The following KCNAB1 variants were observed in gnomAD, a reference collection of about 807,000 sequenced individuals.
KCNAB1 encodes voltage-gated potassium channel subunit beta-1.
Under a neutral mutation model 64.6 loss-of-function variants are expected in KCNAB1, and 35 were observed. That is an observed-to-expected ratio of 0.54 (90% CI 0.41 to 0.72). The LOEUF (loss-of-function observed/expected upper bound fraction) is 0.72. Ranked by LOEUF, KCNAB1 falls within the 30% of genes least tolerant of loss-of-function variation. The pLI, the probability that KCNAB1 is intolerant of heterozygous loss-of-function variation, is 0.00. For missense variants in KCNAB1, 401 were observed against 512.9 expected, an observed-to-expected ratio of 0.78 and a Z score of 2.11; for synonymous variants, 177 against 183.8, an observed-to-expected ratio of 0.96 and a Z score of 0.30.
chr3:156,472,743 G>A (rs1714019490), intron 7 of KCNAB1, among the ~76,000 whole-genome samples: 1 of 152,192 alleles, frequency 6.6e-6, no homozygotes, highest in South Asian at 2.1e-4. Flanking sequence ...CAAGGAACCT[G>A]TGCCAATAGC....
At chr3:156,480,899 A>T (rs1298051203) in intron 8 of KCNAB1, among the ~76,000 whole-genome samples, 1 of 152,130 alleles carries the variant, frequency 6.6e-6, no homozygotes. Flanking sequence ...TTTATTGACT[A>T]GCTGGATGAA....
At chr3:156,291,957 G>T (rs769072570) in intron 1 of KCNAB1, 1 of 1,614,182 alleles carries the variant, frequency 6.2e-7, no homozygotes, top group Admixed American at 1.7e-5. Context: ...AGTCGGAATG[G>T]TGAGGACCGA....
At chr3:156,278,286 A>T (rs4143533) in intron 1 of KCNAB1, among the ~76,000 whole-genome samples, 29,725 of 152,096 alleles carry the variant, frequency 0.2, 3,056 homozygotes, top group African/African-American at 0.23. Context: ...TTCAGGTTAG[A>T]TATTTTTCTC....
intron 1 of KCNAB1, among the ~76,000 whole-genome samples, chr3:156,266,445 A>G (rs1405708500): frequency 6.6e-6 from 1 of 152,150 alleles, no homozygotes; most frequent in Admixed American, 6.5e-5. Context: ...TTTTCATTCA[A>G]TAGGAATTCA....
At chr3:156,128,021 T>C (rs1008642207) in intron 1 of KCNAB1, among the ~76,000 whole-genome samples, 1 of 152,132 alleles carries the variant, frequency 6.6e-6, no homozygotes, top group Non-Finnish European at 1.5e-5. Flanking sequence ...CTTTCCTAAC[T>C]GGACGTTGGT....
intron 1 of KCNAB1, among the ~76,000 whole-genome samples, chr3:156,355,582 G>A (rs1725176849): frequency 6.6e-6 from 1 of 152,024 alleles, no homozygotes; most frequent in Non-Finnish European, 1.5e-5. Flanking sequence ...ACAAAATAAA[G>A]CCAAATCATA....
chr3:156,313,870 TTGAG>T (rs1722098951), intron 1 of KCNAB1, among the ~76,000 whole-genome samples: 1 of 152,232 alleles, frequency 6.6e-6, no homozygotes, highest in South Asian at 2.1e-4. Context: ...TTGTCAGTGT[TTGAG>T]TGACCAGAGT....
intron 1 of KCNAB1, among the ~76,000 whole-genome samples, chr3:156,348,173 G>A (rs762218112): frequency 6.6e-6 from 1 of 152,196 alleles, no homozygotes; most frequent in Non-Finnish European, 1.5e-5. Flanking sequence ...GGTGATTAGT[G>A]TGGTCTTTTG....
chr3:156,489,445 GATGAAGACTGAA>G (rs1715478335), intron 8 of KCNAB1, among the ~76,000 whole-genome samples: 1 of 151,932 alleles, frequency 6.6e-6, no homozygotes, highest in African/African-American at 2.4e-5. Context: ...GGTCAAGTAA[GATGAAGACTGAA>G]CATTGTCTAT....
At chr3:156,238,421 C>CAAAA (rs745633828) in intron 1 of KCNAB1, among the ~76,000 whole-genome samples, 52 of 71,608 alleles carry the variant, frequency 7.3e-4, no homozygotes, top group Non-Finnish European at 1.1e-3. Context: ...GACTTGGTCT[C>CAAAA]AAAAAAAAAA....
chr3:156,145,809 C>T (rs749763277), intron 1 of KCNAB1, among the ~76,000 whole-genome samples: 23 of 152,072 alleles, frequency 1.5e-4, no homozygotes, highest in Non-Finnish European at 2.5e-4. Flanking sequence ...TTTCTTCCCA[C>T]TTACTCTGTA....
At chr3:156,206,600 A>T (rs1024516091) in intron 1 of KCNAB1, among the ~76,000 whole-genome samples, 1 of 152,248 alleles carries the variant, frequency 6.6e-6, no homozygotes, top group Non-Finnish European at 1.5e-5. Context: ...AAAGTTAACT[A>T]ACTGAAACTG....
At chr3:156,343,765 C>T (rs780148644) in intron 1 of KCNAB1, among the ~76,000 whole-genome samples, 3 of 152,136 alleles carry the variant, frequency 2.0e-5, no homozygotes, top group Non-Finnish European at 2.9e-5. Context: ...GAGCCTACTT[C>T]TTTATAGTAG....
intron 1 of KCNAB1, among the ~76,000 whole-genome samples, chr3:156,313,910 A>G (rs924588460): frequency 1.3e-5 from 2 of 152,206 alleles, no homozygotes; most frequent in African/African-American, 4.8e-5. Context: ...TTTTTTGAGC[A>G]CTAGCTCATT....
chr3:156,442,561 A>G (rs771605926), intron 2 of KCNAB1, among the ~76,000 whole-genome samples: 11 of 152,222 alleles, frequency 7.2e-5, no homozygotes, highest in Non-Finnish European at 1.2e-4. Context: ...GTACATCTCT[A>G]TAAGCATCAT....
chr3:156,364,688 G>T (rs1725836718), intron 1 of KCNAB1, among the ~76,000 whole-genome samples: 1 of 152,168 alleles, frequency 6.6e-6, no homozygotes, highest in South Asian at 2.1e-4. Flanking sequence ...TGAGGCAGGA[G>T]AATTGCTTGA....
rs535115484 is a variant in KCNAB1 at position 156,359,638 on chromosome 3, T to A, written c.276-61978T>A. Among the ~76,000 whole-genome samples, 15 of 152,298 alleles carry A rather than the reference T, an allele frequency of 9.8e-5. No individual in the cohort carries two copies. The East Asian group carries it at 2.9e-3, about 29-fold the overall frequency. ...ATTTGCTTATGTAATGCTGATGAAA[T>A]CATCACTGTGGTGGGTATGCACCAT... is the stretch of plus-strand genomic sequence containing the variant. On this transcript the variant is annotated intron_variant, in intron 1 of 13. Coordinates refer to ENST00000490337, the MANE Select transcript of KCNAB1 (RefSeq NM_172160.3).
intron 1 of KCNAB1, among the ~76,000 whole-genome samples, chr3:156,366,483 G>T (rs1310736950): frequency 6.6e-6 from 1 of 152,188 alleles, no homozygotes; most frequent in African/African-American, 2.4e-5. Flanking sequence ...GAAAATAGAG[G>T]ACAGAATTTT....
chr3:156,384,744 A>G (rs543900577), intron 1 of KCNAB1, among the ~76,000 whole-genome samples: 1 of 152,316 alleles, frequency 6.6e-6, no homozygotes, highest in South Asian at 2.1e-4. Context: ...CAGAACTTGT[A>G]CTATTTCTTC....
Sources: gnomAD v4.1 joint callset for allele counts (sites outside exome capture counted in the v4.1 genomes callset) on GRCh38, gnomAD v4.1.1 for gene constraint, MANE v1.5 for transcripts, NCBI Gene and HGNC (gene_info 2026-07-23, HGNC 2026-07-21) for gene names.